The following SLC35F5 variants were observed in gnomAD, a reference collection of about 807,000 sequenced individuals.
The protein encoded by SLC35F5 is HCV NS5A-transactivated protein 3.
Under a neutral mutation model 68.6 loss-of-function variants are expected in SLC35F5, and 54 were observed. The observed-to-expected ratio is 0.79, with a 90% CI of 0.63 to 0.99. The LOEUF (loss-of-function observed/expected upper bound fraction) is 0.99. Among genes scored for constraint, SLC35F5 ranks in the 50% least tolerant of loss-of-function variants. The probability of loss-of-function intolerance (pLI) is 0.00; values close to 1 mark genes in which losing one functional copy is unlikely to be tolerated. For missense variants in SLC35F5, 567 were observed against 626.9 expected (o/e 0.90, Z 1.02); for synonymous variants, 211 against 205.2 (o/e 1.03, Z -0.24).
intron 14 of SLC35F5, among the ~76,000 whole-genome samples, chr2:113,718,927 A>AAGAAAGAAAGAAAG (rs1182098254): frequency 4.5e-5 from 2 of 44,512 alleles, no homozygotes; most frequent in South Asian, 1.2e-3. Flanking sequence ...GAAAGAAAGA[A>AAGAAAGAAAGAAAG]AAAGAAAGGA....
At chr2:113,704,155 G>A (rs1040266164), downstream of SLC35F5, 3 of 152,432 alleles carry the variant, frequency 2.0e-5, no homozygotes, top group Non-Finnish European at 2.9e-5. Flanking sequence ...AGCTCGGTAA[G>A]GGAACCCCAG....
chr2:113,719,119 C>T, intron 14 of SLC35F5, 35 bp downstream of exon 14: 1 of 1,576,900 alleles, frequency 6.3e-7, no homozygotes, highest in Non-Finnish European at 8.6e-7. Context: ...CTAGCAAACA[C>T]TATTTTTAAA....
intron 7 of SLC35F5, among the ~76,000 whole-genome samples, chr2:113,740,681 C>T (rs548140344): frequency 9.2e-5 from 14 of 152,192 alleles, no homozygotes; most frequent in South Asian, 4.1e-4. Context: ...GGCTGGAGTA[C>T]GGTGGCGCCG....
intron 14 of SLC35F5, among the ~76,000 whole-genome samples, chr2:113,718,921 GAAA>G (rs1559318264): frequency 0.047 from 3,187 of 67,840 alleles, 79 homozygotes; most frequent in Non-Finnish European, 0.083. Flanking sequence ...AAGAAAGAAA[GAAA>G]GAAAAAGAAA....
intron 1 of SLC35F5, chr2:113,756,132 G>T: frequency 6.2e-6 from 9 of 1,445,644 alleles, no homozygotes; most frequent in Non-Finnish European, 7.2e-6. Flanking sequence ...GACAGTTAAG[G>T]CAGCGACGCC....
intron 11 of SLC35F5, among the ~76,000 whole-genome samples, chr2:113,727,816 A>G (rs1687723364): frequency 6.6e-6 from 1 of 152,168 alleles, no homozygotes; most frequent in Admixed American, 6.5e-5. Context: ...CCACATGTCT[A>G]TATGCACTCT....
intron 10 of SLC35F5, among the ~76,000 whole-genome samples, chr2:113,731,036 C>G (rs1216177010): frequency 6.6e-6 from 1 of 152,152 alleles, no homozygotes; most frequent in Non-Finnish European, 1.5e-5. Context: ...GTAGAATGCA[C>G]TGATCAGGAA....
chr2:113,743,777 C>A lies in SLC35F5; in HGVS notation c.498G>T (p.Val166=), dbSNP rs2104465655. ...MNSSLSEPLY[V]PVKFHDLPSE... is the part of the protein sequence containing the mutation. ...TTGGAAGATCATGGAATTTCACAGGCACATACAGAGGTTCACTCTGGAATG... is the reference window on the plus strand; with the variant it reads ...TTGGAAGATCATGGAATTTCACAGGAACATACAGAGGTTCACTCTGGAATG... Residue 166 remains valine (V), a synonymous_variant, in exon 6 of 16, where the codon GTG becomes GTT. Coordinates refer to ENST00000245680, the MANE Select transcript of SLC35F5 (RefSeq NM_025181.5). 7 of 1,607,592 alleles carry A rather than the reference C, an allele frequency of 4.4e-6. No individual in the cohort carries two copies. The highest frequency in any genetic ancestry group is 5.9e-6 in the Non-Finnish European group (7 of 1,176,486).
intron 4 of SLC35F5, among the ~76,000 whole-genome samples, chr2:113,747,051 C>T (rs1237282056): frequency 1.3e-5 from 2 of 152,028 alleles, no homozygotes; most frequent in African/African-American, 2.4e-5. Context: ...GTTTGGGAGG[C>T]TGAGGTGGGT....
intron 1 of SLC35F5, chr2:113,755,764 G>T: frequency 7.9e-7 from 1 of 1,269,160 alleles, no homozygotes; most frequent in South Asian, 1.3e-5. Context: ...GGCAGGGAGG[G>T]GGAGTAATAT....
chr2:113,721,024 T>C (rs1052797079), intron 13 of SLC35F5, among the ~76,000 whole-genome samples: 3 of 152,128 alleles, frequency 2.0e-5, no homozygotes, highest in African/African-American at 4.8e-5. Flanking sequence ...GAATATCAAA[T>C]AGAATATGAT....
chr2:113,723,260 G>T (rs1574221658), intron 12 of SLC35F5, 66 bp from the exon 13 acceptor site: 1 of 1,176,164 alleles, frequency 8.5e-7, no homozygotes. Flanking sequence ...ACTGAACAAA[G>T]ACTTTCTATC....
In SLC35F5 at chr2:113,707,874, T is replaced by G. The variant is rs1470710524; in HGVS notation, c.*7344A>C. 6.6e-6 allele frequency among the ~76,000 whole-genome samples: 1 copy of G among 152,146 alleles called. No homozygotes were observed. The highest frequency in any genetic ancestry group is 1.5e-5 in the Non-Finnish European group (1 of 68,020). Reference sequence around the variant, plus strand: ...CCGCACCTGGCCTGAATATAAAGACTCATTTTAAATTATACTAGTTGAACC... The same window carrying G: ...CCGCACCTGGCCTGAATATAAAGACGCATTTTAAATTATACTAGTTGAACC... On this transcript the variant is annotated 3_prime_UTR_variant, in exon 16 of 16. Coordinates refer to ENST00000245680, the MANE Select transcript of SLC35F5 (RefSeq NM_025181.5).
chr2:113,718,929 A>AAAG (rs1559318504), intron 14 of SLC35F5, among the ~76,000 whole-genome samples: 22 of 103,646 alleles, frequency 2.1e-4, no homozygotes, highest in East Asian at 4.5e-4. Context: ...AAGAAAGAAA[A>AAAG]AGAAAGGAAG....
At chr2:113,749,143 G>A (rs967760866) in intron 4 of SLC35F5, among the ~76,000 whole-genome samples, 11 of 152,102 alleles carry the variant, frequency 7.2e-5, no homozygotes, top group African/African-American at 2.7e-4. Flanking sequence ...TGCCTGCCTC[G>A]GCCTCCCAGC....
intron 14 of SLC35F5, among the ~76,000 whole-genome samples, 182 bp downstream of exon 14, chr2:113,718,972 G>A (rs1320102838): frequency 3.3e-5 from 5 of 150,914 alleles, no homozygotes; most frequent in Non-Finnish European, 7.4e-5. Flanking sequence ...AGAAAGAAAG[G>A]AGAAAGAATC....
At chr2:113,747,438 A>G (rs1171278257) in intron 4 of SLC35F5, among the ~76,000 whole-genome samples, 3 of 152,224 alleles carry the variant, frequency 2.0e-5, no homozygotes, top group Admixed American at 6.5e-5. Context: ...AAACTTGCCC[A>G]AGATCAAAAA....
At position 113,712,542 on chromosome 2, in the gene SLC35F5, C is replaced by G. The variant is rs1022392891; in HGVS notation, c.*2676G>C. 2.6e-5 allele frequency among the ~76,000 whole-genome samples: 4 copies of G among 152,136 alleles called. No individual in the cohort carries two copies. Among genetic ancestry groups the G allele is most frequent in the Non-Finnish European group, 5.9e-5 (4 of 68,026 alleles). On this transcript the variant is annotated 3_prime_UTR_variant, in exon 16 of 16. Coordinates refer to ENST00000245680, the MANE Select transcript of SLC35F5 (RefSeq NM_025181.5). ...GTGTTAACCAGGATGGTCTCGATCT[C>G]CTGACCTCGTGATCCGCCCGCCTCG...
At chr2:113,750,630 C>A in intron 3 of SLC35F5, 62 bp from the exon 4 acceptor site, 1 of 1,354,792 alleles carries the variant, frequency 7.4e-7, no homozygotes, top group Non-Finnish European at 9.8e-7. Flanking sequence ...TACTCATCTC[C>A]AAAATAAAGT....
Sources: gnomAD v4.1 joint callset for allele counts (sites outside exome capture counted in the v4.1 genomes callset) on GRCh38, gnomAD v4.1.1 for gene constraint, MANE v1.5 for transcripts, NCBI Gene and HGNC (gene_info 2026-07-23, HGNC 2026-07-21) for gene names.